YBX3: variants seen among roughly 807,000 people sequenced by gnomAD.
YBX3 encodes the protein Y-box binding protein 3.
In YBX3, 29 loss-of-function variants were observed where a neutral mutation model predicts 42.4. The ratio of observed to expected loss-of-function variants is 0.68; its 90% CI spans 0.51 to 0.93. The LOEUF (loss-of-function observed/expected upper bound fraction) is 0.93, where lower values mean the gene tolerates loss of function less well. Among genes scored for constraint, YBX3 ranks in the 40% least tolerant of loss-of-function variants. The pLI is 0.00. For missense variants in YBX3, 517 were observed against 527.5 expected, an observed-to-expected ratio of 0.98 and a Z score of 0.19; for synonymous variants, 195 against 189.8, an observed-to-expected ratio of 1.03 and a Z score of -0.22.
chr12:10,707,486 T>C (rs1284865780), intron 6 of YBX3, among the ~76,000 whole-genome samples: 1 of 152,206 alleles, frequency 6.6e-6, no homozygotes, highest in Non-Finnish European at 1.5e-5. Flanking sequence ...TAAAACATTT[T>C]CCAAATCTAA....
intron 3 of YBX3, among the ~76,000 whole-genome samples, chr12:10,716,522 T>C (rs1948264231): frequency 6.6e-6 from 1 of 152,214 alleles, no homozygotes; most frequent in Admixed American, 6.5e-5. Context: ...TACACCTAAA[T>C]ATCTGCTTAT....
chr12:10,722,621 C>T (rs1565593778), intron 1 of YBX3, among the ~76,000 whole-genome samples: 1 of 152,244 alleles, frequency 6.6e-6, no homozygotes, highest in Non-Finnish European at 1.5e-5. Flanking sequence ...GAGATGCACA[C>T]GGCCGCCAGG....
At chr12:10,710,145 G>A (rs1948184611) in intron 5 of YBX3, 31 bp from the exon 6 acceptor site, 4 of 1,603,834 alleles carry the variant, frequency 2.5e-6, no homozygotes, top group East Asian at 4.5e-5. Context: ...AGATTCAGAA[G>A]AAGTTTTAGC....
intron 1 of YBX3, chr12:10,721,071 G>A (rs532127468): frequency 1.3e-5 from 2 of 152,310 alleles, no homozygotes; most frequent in South Asian, 2.1e-4. Context: ...GCAAATACTA[G>A]AACATATCCA....
intron 4 of YBX3, among the ~76,000 whole-genome samples, chr12:10,715,320 G>A (rs1052163668): frequency 1.3e-5 from 2 of 151,766 alleles, no homozygotes; most frequent in Non-Finnish European, 2.9e-5. Flanking sequence ...TGACACAGGT[G>A]GATCACCTAA....
At chr12:10,707,019 A>AAAAT (rs139588933) in intron 6 of YBX3, among the ~76,000 whole-genome samples, 29,511 of 149,424 alleles carry the variant, frequency 0.2, 3,302 homozygotes, top group East Asian at 0.52. Flanking sequence ...TCCATCTCAA[A>AAAAT]AAATAAATAA....
Position 10,710,096 on chromosome 12 carries a change from C to T in YBX3, c.592G>A (p.Glu198Lys). 6.2e-7 allele frequency: 1 copy of T among 1,613,606 alleles called. No individual in the cohort carries two copies. Among genetic ancestry groups the T allele is most frequent in the Non-Finnish European group, 8.5e-7 (1 of 1,179,916 alleles). ...CCTTCACTGCTGCCGCTCCCTTCCTCCTCCTCCTCCCCAGCGTACTAGCGA... is the reference window on the plus strand; with the variant it reads ...CCTTCACTGCTGCCGCTCCCTTCCTTCTCCTCCTCCCCAGCGTACTAGCGA... ...PPRNYAGEEE[E>K]EGSGSSEGFD... The change falls in exon 6 of 10, where the codon GAG (glutamate) becomes AAG (lysine). Residue 198 changes from glutamate to lysine, a missense_variant. Around this residue, in one of 3 missense-constraint regions of YBX3, gnomAD observed 420 missense variants for 408.5 expected, o/e 1.03. Transcript: ENST00000228251.
rs1311847809 is a variant in YBX3, at chr12:10,723,070, G to A, written c.42C>T (p.Thr14=). 6.8e-6 allele frequency: 8 copies of A among 1,177,274 alleles called. No individual in the cohort carries two copies. The African/African-American group carries it at 1.4e-4, about 21-fold the overall frequency. The allele number at this position is 1,177,274 out of a possible 1,614,324, so 72.9% of individuals were successfully genotyped here. A position where few individuals can be genotyped will look rare whatever the true frequency, so the allele number is the denominator to read the frequency against. Residue 14 remains threonine, a synonymous_variant, in exon 1 of 10, where the codon ACC becomes ACT. Coordinates refer to ENST00000228251, the MANE Select transcript of YBX3 (RefSeq NM_003651.5). ...AGEATTTTTT[T]LPQAPTEAAA... ...CCGCCTCCGTCGGAGCCTGCGGGAGGGTGGTGGTGGTGGTGGTGGTGGCCT... is the reference window on the plus strand; with the variant it reads ...CCGCCTCCGTCGGAGCCTGCGGGAGAGTGGTGGTGGTGGTGGTGGTGGCCT...
chr12:10,716,922 G>A lies in YBX3; in HGVS notation c.361-1139C>T, dbSNP rs756435091. ...ACACAACCTCACGGGGGCTGGAATCGGGTCATATACTCACAGGCTAATAAA... is the reference window on the plus strand; with the variant it reads ...ACACAACCTCACGGGGGCTGGAATCAGGTCATATACTCACAGGCTAATAAA... On this transcript the variant is annotated intron_variant, in intron 3 of 9. Transcript: ENST00000228251. Among the ~76,000 whole-genome samples, 31 of 152,102 alleles carry A rather than the reference G, an allele frequency of 2.0e-4. 1 individual carries two copies. Among genetic ancestry groups the A allele is most frequent in the Non-Finnish European group, 3.4e-4 (23 of 68,024 alleles).
At chr12:10,708,735 G>A (rs1489886293) in intron 6 of YBX3, among the ~76,000 whole-genome samples, 1 of 152,180 alleles carries the variant, frequency 6.6e-6, no homozygotes, top group African/African-American at 2.4e-5. Flanking sequence ...TGTTTTACGT[G>A]GCACTAAGGA....
rs2120909576 is a variant in YBX3 at position 10,704,035 on chromosome 12, G to A, written c.878+16C>T. The A allele has an allele frequency of 6.2e-7, 1 of 1,613,390 alleles. No individual in the cohort carries two copies. The highest frequency in any genetic ancestry group is 2.2e-5 in the East Asian group (1 of 44,866). On this transcript the variant is annotated intron_variant, in intron 7 of 9. Coordinates refer to ENST00000228251, the MANE Select transcript of YBX3 (RefSeq NM_003651.5). ...ACAAGTCCTTTAACTGGCCATTAGT[G>A]GAAAATGCGACATACCTACGGTACC...
intron 3 of YBX3, among the ~76,000 whole-genome samples, chr12:10,717,466 C>A (rs1373703388): frequency 3.3e-5 from 5 of 152,170 alleles, no homozygotes; most frequent in Non-Finnish European, 5.9e-5. Flanking sequence ...ACATCCTAGG[C>A]TAATAAAGCA....
At position 10,723,229 on chromosome 12, in the gene YBX3, G is replaced by A; in HGVS notation, c.-118C>T. On this transcript the variant is annotated 5_prime_UTR_variant, in exon 1 of 10. Coordinates refer to ENST00000228251, the MANE Select transcript of YBX3 (RefSeq NM_003651.5). Reference sequence around the variant, plus strand: ...CGGGGAGGCCGGGGCGGATCTCGCGGCGCAGGCGGCGGCGGCCGAGGTGGG... The same window carrying A: ...CGGGGAGGCCGGGGCGGATCTCGCGACGCAGGCGGCGGCGGCCGAGGTGGG... 8.6e-7 allele frequency: 1 copy of A among 1,168,800 alleles called. No individual in the cohort carries two copies. The highest frequency in any genetic ancestry group is 1.1e-6 in the Non-Finnish European group (1 of 947,418). 72.4% of individuals were successfully genotyped at this position (1,168,800 alleles called of 1,614,324 possible).
At chr12:10,701,819 C>T in intron 8 of YBX3, 141 bp downstream of exon 8, 1 of 936,378 alleles carries the variant, frequency 1.1e-6, no homozygotes, top group Non-Finnish European at 1.6e-6. Context: ...CAAGGCATAC[C>T]CTATATATAT....
intron 4 of YBX3, 89 bp from the exon 5 acceptor site, chr12:10,713,422 G>T (rs1435892045): frequency 2.1e-6 from 3 of 1,415,564 alleles, no homozygotes; most frequent in Non-Finnish European, 2.8e-6. Flanking sequence ...GTATAAGACT[G>T]GCAGAACATA....
chr12:10,718,883 A>G (rs1019172617), intron 2 of YBX3, among the ~76,000 whole-genome samples, 197 bp downstream of exon 2: 1 of 152,212 alleles, frequency 6.6e-6, no homozygotes, highest in Non-Finnish European at 1.5e-5. Flanking sequence ...ATTTTATGAA[A>G]TAAGTTATTT....
Position 10,704,146 on chromosome 12 carries a change from AGCCTGGAGAG to A in YBX3, c.781-8_782del, listed in dbSNP as rs1360804361. On this transcript the variant is annotated splice_acceptor_variant and splice_polypyrimidine_tract_variant and coding_sequence_variant and intron_variant, in exon 7 of 10. Coordinates refer to ENST00000228251, the MANE Select transcript of YBX3 (RefSeq NM_003651.5). LOFTEE classifies it high-confidence loss of function. ...CATCCTTCATCTCTCCAATCTCACC[AGCCTGGAGAG>A]GCAATGAGAGCTGACAGTGAGTGTC... The A allele has an allele frequency of 6.2e-7, 1 of 1,614,024 alleles. No individual in the cohort carries two copies. The highest frequency in any genetic ancestry group is 8.5e-7 in the Non-Finnish European group (1 of 1,179,846).
chr12:10,718,865 A>C (rs1260428085), intron 2 of YBX3, among the ~76,000 whole-genome samples: 1 of 152,138 alleles, frequency 6.6e-6, no homozygotes, highest in Non-Finnish European at 1.5e-5. Context: ...TTCTTCCTTA[A>C]TGACTAGATT....
chr12:10,705,346 G>C (rs1293580837), intron 6 of YBX3, among the ~76,000 whole-genome samples: 1 of 152,206 alleles, frequency 6.6e-6, no homozygotes, highest in Non-Finnish European at 1.5e-5. Context: ...ACCCACCTCA[G>C]ACTTCCAAAG....
Sources: gnomAD v4.1 joint callset for allele counts (sites outside exome capture counted in the v4.1 genomes callset) on GRCh38, gnomAD v4.1.1 for gene constraint, gnomAD v4.1.1 regional missense constraint, MANE v1.5 for transcripts, NCBI Gene and HGNC (gene_info 2026-07-23, HGNC 2026-07-21) for gene names.